DOK7: variants seen among roughly 807,000 people sequenced by gnomAD.
DOK7 encodes docking protein 7.
A neutral mutation model predicts 30.7 loss-of-function variants in DOK7; 32 were observed. The ratio of observed to expected loss-of-function variants is 1.04; its 90% CI spans 0.79 to 1.40. DOK7 has a LOEUF of 1.40. DOK7 is among the 40% of genes most tolerant of loss of function. The probability of loss-of-function intolerance (pLI) is 0.00; values close to 1 mark genes in which losing one functional copy is unlikely to be tolerated. For synonymous variants in DOK7, 447 were observed against 324.1 expected (o/e 1.38, Z -4.07); for missense variants, 1,007 against 699.2 (o/e 1.44, Z -4.97).
intron 4 of DOK7, among the ~76,000 whole-genome samples, chr4:3,477,661 C>T (rs865845603): frequency 5.1e-4 from 77 of 152,208 alleles, no homozygotes; most frequent in Middle Eastern, 3.2e-3. Flanking sequence ...GGACTGGGGG[C>T]GTACACAGCC....
At chr4:3,471,923 G>A (rs4690103) in intron 2 of DOK7, among the ~76,000 whole-genome samples, 31,160 of 152,264 alleles carry the variant, frequency 0.2, 4,048 homozygotes, top group East Asian at 0.45. Context: ...CTGTCGCCGC[G>A]CCCACACCAC....
chr4:3,482,924 G>A (rs1203356179), intron 4 of DOK7, among the ~76,000 whole-genome samples: 1 of 152,208 alleles, frequency 6.6e-6, no homozygotes, highest in African/African-American at 2.4e-5. Flanking sequence ...GAACCCCAGA[G>A]GAGGCGTCCG....
intron 2 of DOK7, among the ~76,000 whole-genome samples, chr4:3,467,670 G>T (rs1444841251): frequency 1.3e-5 from 2 of 152,184 alleles, no homozygotes; most frequent in African/African-American, 4.8e-5. Flanking sequence ...GTGAATGTGT[G>T]AGTGTGGGCT....
chr4:3,486,121 G>A (rs1444842208), intron 5 of DOK7, among the ~76,000 whole-genome samples: 3 of 151,990 alleles, frequency 2.0e-5, no homozygotes, highest in African/African-American at 4.8e-5. Context: ...AGGCCACCTC[G>A]GGAGGTCCCC....
At chr4:3,466,635 G>A (rs1420956642) in intron 2 of DOK7, among the ~76,000 whole-genome samples, 7 of 152,204 alleles carry the variant, frequency 4.6e-5, no homozygotes, top group Non-Finnish European at 1.0e-4. Context: ...CAGCCCCCGC[G>A]TCAGGACAGG....
In DOK7 at chr4:3,489,787, G is replaced by C. The variant is rs1728077132; in HGVS notation, c.763G>C (p.Gly255Arg). The C allele has an allele frequency of 6.4e-7, 1 of 1,573,930 alleles. No homozygotes were observed. The highest frequency in any genetic ancestry group is 1.8e-5 in the Admixed American group (1 of 54,724). ...CCTCCTCTCACATGCGGGCAGGCCG[G>C]GCAGTGGAGGTAGGGCCGGGGGCTG... ...LSLLSHAGRP[G>R]SGGDDRSLSS... The change falls in exon 6 of 7, where the codon GGC becomes CGC. Residue 255 changes from glycine to arginine, a missense_variant. Transcript: ENST00000340083.
chr4:3,496,753 T>A, downstream of DOK7: 1 of 1,509,854 alleles, frequency 6.6e-7, no homozygotes. Flanking sequence ...TTGTTCTCGG[T>A]GGCCCCCCGG....
Position 3,493,692 on chromosome 4 carries a change from A to G in DOK7, c.*191A>G. Reference sequence around the variant, plus strand: ...AGGAAGGGGCTGACTTGGGGAGGTGAGTTCTGGAAGGCAGGGGCTCTGGGT... The same window carrying G: ...AGGAAGGGGCTGACTTGGGGAGGTGGGTTCTGGAAGGCAGGGGCTCTGGGT... On this transcript the variant is annotated 3_prime_UTR_variant, in exon 7 of 7. Coordinates refer to ENST00000340083, the MANE Select transcript of DOK7 (RefSeq NM_173660.5). The G allele has an allele frequency of 7.6e-6, 11 of 1,438,342 alleles. No individual in the cohort carries two copies. Among genetic ancestry groups the G allele is most frequent in the Non-Finnish European group, 1.0e-5 (11 of 1,097,510 alleles). 89.1% of individuals were successfully genotyped at this position (1,438,342 alleles called of 1,614,324 possible). A position where few individuals can be genotyped will look rare whatever the true frequency, so the allele number is the denominator to read the frequency against.
intron 6 of DOK7, among the ~76,000 whole-genome samples, chr4:3,490,895 TCTTCCTTCTCTCCTCTGCTCATTCATTC>T (rs1560228129): frequency 4.3e-5 from 5 of 117,358 alleles, no homozygotes; most frequent in African/African-American, 1.4e-4. Flanking sequence ...CTCATTAATT[TCTTCCTTCTCTCCTCTGCTCATTCATTC>T]CTTCCTTCTT....
At position 3,492,849 on chromosome 4, in the gene DOK7, C is replaced by A. The variant is rs779396105; in HGVS notation, c.863C>A (p.Ser288Tyr). 1.2e-6 allele frequency: 2 copies of A among 1,611,544 alleles called. No homozygotes were observed. Among genetic ancestry groups the A allele is most frequent in the South Asian group, 2.2e-5 (2 of 90,878 alleles). ...CGGCTCACCGCATGGCCAGAGCAAT[C>A]CTCGTCGTCAGCCAGCACGTCACAG... is the stretch of plus-strand genomic sequence containing the variant. ...SSRLTAWPEQ[S>Y]SSSASTSQEG... Residue 288 changes from serine to tyrosine, a missense_variant, in exon 7 of 7, where the codon TCC (serine) becomes TAC (tyrosine). Transcript: ENST00000340083.
rs1301715220 is a variant in DOK7, at chr4:3,493,665, G to C, written c.*164G>C. 4 of 1,454,194 alleles carry C rather than the reference G, an allele frequency of 2.8e-6. No homozygotes were observed. The highest frequency in any genetic ancestry group is 1.4e-5 in the African/African-American group (1 of 69,864). 90.1% of individuals were successfully genotyped at this position (1,454,194 alleles called of 1,614,324 possible). ...GAGGGCGCGCCCTGTGGCTGCCACCGGAGGAAGGGGCTGACTTGGGGAGGT... is the reference window on the plus strand; with the variant it reads ...GAGGGCGCGCCCTGTGGCTGCCACCCGAGGAAGGGGCTGACTTGGGGAGGT... On this transcript the variant is annotated 3_prime_UTR_variant, in exon 7 of 7. Coordinates refer to ENST00000340083, the MANE Select transcript of DOK7 (RefSeq NM_173660.5).
intron 5 of DOK7, among the ~76,000 whole-genome samples, chr4:3,489,288 G>A (rs1577171192): frequency 6.6e-6 from 1 of 152,158 alleles, no homozygotes; most frequent in Admixed American, 6.5e-5. Context: ...CGTGAATGAG[G>A]GGCAGGCAGC....
rs1043009409 is a variant in DOK7, at chr4:3,494,285, T to C, written c.*784T>C. ...GCCTGTGTTTCCCCTGGCCCAGGCC[T>C]CAGCCCCTGCGTCGGAGGTGGGGCT... On this transcript the variant is annotated 3_prime_UTR_variant, in exon 7 of 7. Coordinates refer to ENST00000340083, the MANE Select transcript of DOK7 (RefSeq NM_173660.5). 9.1e-6 allele frequency: 9 copies of C among 985,488 alleles called. No individual in the cohort carries two copies. The highest frequency in any genetic ancestry group is 1.1e-5 in the Non-Finnish European group (9 of 830,070). 61.0% of individuals were successfully genotyped at this position (985,488 alleles called of 1,614,324 possible).
Position 3,493,296 on chromosome 4 carries a change from A to G in DOK7, c.1310A>G (p.Gln437Arg), listed in dbSNP as rs1728656784. ...GNSAARDSGG[Q>R]TSAGCPSGWL... ...AGTGCGGCCAGGGACTCAGGCGGCC[A>G]GACGTCCGCCGGGTGTCCCTCTGGC... The change falls in exon 7 of 7, where the codon CAG becomes CGG. Residue 437 changes from glutamine to arginine, a missense_variant. Transcript: ENST00000340083. The G allele has an allele frequency of 6.2e-7, 1 of 1,607,878 alleles. No homozygotes were observed. Among genetic ancestry groups the G allele is most frequent in the Non-Finnish European group, 8.5e-7 (1 of 1,177,766 alleles).
rs139429423 is a variant in DOK7, at chr4:3,492,833, G to A, written c.847G>A (p.Ala283Thr). ...LDVSASSRLT[A>T]WPEQSSSSAS... ...CGTCAGCGCCAGCAGCCGGCTCACCGCATGGCCAGAGCAATCCTCGTCGTC... is the reference window on the plus strand; with the variant it reads ...CGTCAGCGCCAGCAGCCGGCTCACCACATGGCCAGAGCAATCCTCGTCGTC... The change falls in exon 7 of 7, where the codon GCA (alanine) becomes ACA (threonine). Residue 283 changes from alanine (A) to threonine (T), a missense_variant. Ala to Thr is a moderately conservative substitution (Grantham distance 58). Coordinates refer to ENST00000340083, the MANE Select transcript of DOK7 (RefSeq NM_173660.5). 2.4e-5 allele frequency: 39 copies of A among 1,612,102 alleles called. No homozygotes were observed. The highest frequency in any genetic ancestry group is 2.7e-5 in the Non-Finnish European group (32 of 1,179,860).
At chr4:3,483,527 G>A (rs1316701726) in intron 4 of DOK7, among the ~76,000 whole-genome samples, 3 of 152,218 alleles carry the variant, frequency 2.0e-5, no homozygotes, top group Non-Finnish European at 2.9e-5. Flanking sequence ...GCGTGGGCAC[G>A]TGGGAGCCCG....
intron 6 of DOK7, 151 bp from the exon 7 acceptor site, chr4:3,492,608 A>G: frequency 2.0e-6 from 2 of 1,009,004 alleles, no homozygotes; most frequent in Non-Finnish European, 3.0e-6. Flanking sequence ...TGGTGAAGCC[A>G]GGTTTCTGCT....
chr4:3,486,613 C>T (rs984610830), intron 5 of DOK7, among the ~76,000 whole-genome samples: 1 of 152,216 alleles, frequency 6.6e-6, no homozygotes, highest in Non-Finnish European at 1.5e-5. Context: ...GGAGGTGGCA[C>T]CTATGGCCAG....
chr4:3,465,899 G>A (rs987665441), intron 2 of DOK7, among the ~76,000 whole-genome samples: 8 of 152,220 alleles, frequency 5.3e-5, no homozygotes, highest in Non-Finnish European at 7.4e-5. Flanking sequence ...TGCCAGCGGC[G>A]CCTGGCCCAG....
Sources: gnomAD v4.1 joint callset for allele counts (sites outside exome capture counted in the v4.1 genomes callset) on GRCh38, gnomAD v4.1.1 for gene constraint, MANE v1.5 for transcripts, NCBI Gene and HGNC (gene_info 2026-07-23, HGNC 2026-07-21) for gene names.